The following AGTPBP1 variants were observed in gnomAD, a reference collection of about 807,000 sequenced individuals.
AGTPBP1 encodes ATP/GTP binding carboxypeptidase 1.
AGTPBP1 carries 70 observed loss-of-function variants against 143.9 expected under a neutral mutation model. The observed-to-expected ratio is 0.49, with a 90% CI of 0.40 to 0.59. AGTPBP1 has a LOEUF of 0.59. Ranked by LOEUF, AGTPBP1 falls within the 20% of genes least tolerant of loss-of-function variation. The pLI, the probability that AGTPBP1 is intolerant of heterozygous loss-of-function variation, is 0.00. For missense variants in AGTPBP1, 1,229 were observed against 1,464.5 expected (o/e 0.84, Z 2.62); for synonymous variants, 463 against 500.2 (o/e 0.93, Z 0.99).
At chr9:85,668,971 G>A (rs201133548) in intron 8 of AGTPBP1, among the ~76,000 whole-genome samples, 18,044 of 54,170 alleles carry the variant, frequency 0.33, 1,841 homozygotes, top group African/African-American at 0.47. Context: ...ACATACATGT[G>A]TGTGTGTGTG....
intron 1 of AGTPBP1, among the ~76,000 whole-genome samples, chr9:85,724,349 G>A (rs1324152367): frequency 6.6e-6 from 1 of 151,608 alleles, no homozygotes; most frequent in African/African-American, 2.4e-5. Context: ...CTACTCTATG[G>A]TATTTTGCTG....
intron 1 of AGTPBP1, among the ~76,000 whole-genome samples, chr9:85,738,711 A>G (rs1469195123): frequency 6.6e-6 from 1 of 152,194 alleles, no homozygotes; most frequent in African/African-American, 2.4e-5. Flanking sequence ...CAGGGCACCC[A>G]GCTCAGGGTC....
chr9:85,547,934 C>T (rs999511723), intron 25 of AGTPBP1, among the ~76,000 whole-genome samples: 1 of 152,164 alleles, frequency 6.6e-6, no homozygotes. Context: ...ACTGAGACAA[C>T]TTTTCTACTA....
At chr9:85,715,428 G>A (rs1013922733) in intron 1 of AGTPBP1, among the ~76,000 whole-genome samples, 1 of 152,032 alleles carries the variant, frequency 6.6e-6, no homozygotes. Flanking sequence ...AAACAAGGAC[G>A]ACAGAGGAAG....
chr9:85,702,131 G>C (rs1479589715), intron 2 of AGTPBP1, among the ~76,000 whole-genome samples: 2 of 152,154 alleles, frequency 1.3e-5, no homozygotes, highest in Non-Finnish European at 1.5e-5. Context: ...TGTGTTTTAA[G>C]TCATCATTCT....
chr9:85,786,311 C>A, the AGTPBP1 span: 12 of 1,607,364 alleles, frequency 7.5e-6, no homozygotes, highest in Non-Finnish European at 9.4e-6. Flanking sequence ...TTAGCACCCC[C>A]CAGTGGGCAT....
chr9:85,576,526 G>A (rs1827912253), intron 24 of AGTPBP1, among the ~76,000 whole-genome samples: 1 of 152,130 alleles, frequency 6.6e-6, no homozygotes, highest in Non-Finnish European at 1.5e-5. Context: ...ACCTTCATTT[G>A]ACCTTTTAAT....
chr9:85,549,947 A>G (rs1350986266), intron 25 of AGTPBP1, among the ~76,000 whole-genome samples: 1 of 152,174 alleles, frequency 6.6e-6, no homozygotes, highest in Admixed American at 6.5e-5. Flanking sequence ...TTCCACTCCT[A>G]TAACCCACAA....
At chr9:85,642,448 C>T (rs1168826385) in intron 13 of AGTPBP1, among the ~76,000 whole-genome samples, 1 of 152,024 alleles carries the variant, frequency 6.6e-6, no homozygotes, top group African/African-American at 2.4e-5. Context: ...CCTGCCTCAG[C>T]CTCCCAAGTA....
At chr9:85,701,590 G>A (rs993124076) in intron 2 of AGTPBP1, among the ~76,000 whole-genome samples, 8 of 152,162 alleles carry the variant, frequency 5.3e-5, no homozygotes, top group African/African-American at 1.9e-4. Context: ...CTATATTGTA[G>A]GAGTGATCAA....
chr9:85,555,005 G>C (rs1429756412), intron 25 of AGTPBP1, among the ~76,000 whole-genome samples: 1 of 152,142 alleles, frequency 6.6e-6, no homozygotes, highest in African/African-American at 2.4e-5. Context: ...TAGGTAAGTA[G>C]AAAATGTCCA....
At chr9:85,762,634 G>A in the AGTPBP1 span, among the ~76,000 whole-genome samples, 2 of 130,222 alleles carry the variant, frequency 1.5e-5, no homozygotes, top group African/African-American at 2.9e-5. Flanking sequence ...GGTGTGGGGA[G>A]GGGGCAGCGA....
intron 10 of AGTPBP1, among the ~76,000 whole-genome samples, chr9:85,656,467 T>C (rs1304894802): frequency 6.6e-6 from 1 of 152,054 alleles, no homozygotes; most frequent in Non-Finnish European, 1.5e-5. Context: ...AAACATAAAA[T>C]ATGTGTTCAG....
At chr9:85,600,858 G>T (rs776078746) in intron 17 of AGTPBP1, among the ~76,000 whole-genome samples, 34 of 152,052 alleles carry the variant, frequency 2.2e-4, no homozygotes, top group Non-Finnish European at 4.1e-4. Context: ...AGCCACCAAT[G>T]CCACAAGCTG....
chr9:85,586,365 T>G (rs915152880), intron 22 of AGTPBP1, among the ~76,000 whole-genome samples: 1 of 152,226 alleles, frequency 6.6e-6, no homozygotes, highest in Non-Finnish European at 1.5e-5. Flanking sequence ...GCAAAGTTTT[T>G]CTATCTTTCC....
rs11141079 is a variant in AGTPBP1, at chr9:85,729,155, A to C, written c.-34+12620T>G. On this transcript the variant is annotated intron_variant, in intron 1 of 25. Transcript: ENST00000357081. ...ATGTCAAGTCCATTCAGTTGGAAAA[A>C]ATAGTCTCTTCAACAAATGGTGCTG... Among the ~76,000 whole-genome samples, 921 of 152,346 alleles carry C rather than the reference A, an allele frequency of 6.0e-3. 9 individuals carry two copies. Among genetic ancestry groups the C allele is most frequent in the African/African-American group, 0.02 (851 of 41,576 alleles).
chr9:85,780,942 T>C, the AGTPBP1 span, among the ~76,000 whole-genome samples: 9,296 of 151,972 alleles, frequency 0.061, 935 homozygotes, highest in African/African-American at 0.21. Flanking sequence ...TGATGAAACC[T>C]CGTCTCTACT....
intron 3 of AGTPBP1, among the ~76,000 whole-genome samples, chr9:85,690,276 T>C (rs1835777161): frequency 6.6e-6 from 1 of 152,230 alleles, no homozygotes; most frequent in Non-Finnish European, 1.5e-5. Flanking sequence ...AATGGATAGC[T>C]AACTGGATTA....
rs1241031025 is a variant in AGTPBP1, at chr9:85,632,741, C to G, written c.1936G>C (p.Val646Leu). The G allele has an allele frequency of 6.2e-7, 1 of 1,614,004 alleles. No individual in the cohort carries two copies. Among genetic ancestry groups the G allele is most frequent in the East Asian group, 2.2e-5 (1 of 44,888 alleles). Residue 646 changes from valine (V) to leucine (L), a missense_variant, in exon 14 of 26, where the codon GTG (valine) becomes CTG (leucine). Val to Leu is a conservative substitution (Grantham distance 32). Around this residue, in one of 2 missense-constraint regions of AGTPBP1, gnomAD observed 743 missense variants for 812.2 expected, o/e 0.91. Coordinates refer to ENST00000357081, the MANE Select transcript of AGTPBP1 (RefSeq NM_001330701.2). ...NTKSVPEYSEVAYPDYFGHIP... is the reference protein window; with the variant it reads ...NTKSVPEYSELAYPDYFGHIP... ...TGACCAAAATAATCGGGATAAGCCA[C>G]CTCTGAATATTCTGGGACAGACTTC...
Sources: allele counts gnomAD v4.1 joint callset (sites outside exome capture counted in the v4.1 genomes callset), GRCh38; gene constraint gnomAD v4.1.1; regional missense constraint gnomAD v4.1.1; transcripts MANE v1.5; gene names NCBI Gene and HGNC (gene_info 2026-07-23, HGNC 2026-07-21).